ADK: variants seen among roughly 807,000 people sequenced by gnomAD.
ADK encodes the protein adenosine kinase.
Under a neutral mutation model 44.7 loss-of-function variants are expected in ADK, and 24 were observed. The ratio of observed to expected loss-of-function variants is 0.54; its 90% confidence interval spans 0.39 to 0.76. The LOEUF (loss-of-function observed/expected upper bound fraction) is 0.76, where lower values mean the gene tolerates loss of function less well. ADK is among the 30% of genes least tolerant of loss of function. The pLI is 0.00. For synonymous variants in ADK, 128 were observed against 142.6 expected (o/e 0.90, Z 0.73); for missense variants, 321 against 425.1 (o/e 0.76, Z 2.15).
chr10:74,397,600 T>G (rs1231567761), intron 5 of ADK, among the ~76,000 whole-genome samples: 1 of 152,160 alleles, frequency 6.6e-6, no homozygotes, highest in Non-Finnish European at 1.5e-5. Context: ...TGCAGTGGCA[T>G]GATCATAGCT....
chr10:74,363,993 C>T (rs1399630578), intron 4 of ADK, among the ~76,000 whole-genome samples: 2 of 152,152 alleles, frequency 1.3e-5, no homozygotes, highest in South Asian at 2.1e-4. Flanking sequence ...GTCTGGAGCC[C>T]CTTGTCTCAT....
chr10:74,582,482 C>T (rs1285686727), intron 7 of ADK, among the ~76,000 whole-genome samples: 3 of 152,050 alleles, frequency 2.0e-5, no homozygotes, highest in Non-Finnish European at 4.4e-5. Flanking sequence ...TGATGAAGCA[C>T]TTTTTCCTAA....
intron 7 of ADK, among the ~76,000 whole-genome samples, chr10:74,561,738 A>G (rs1850469001): frequency 6.6e-6 from 1 of 152,164 alleles, no homozygotes; most frequent in Non-Finnish European, 1.5e-5. Context: ...GTTACAAGGA[A>G]TTGGATGATG....
chr10:74,326,293 G>A (rs556783179), intron 4 of ADK, among the ~76,000 whole-genome samples: 54 of 152,156 alleles, frequency 3.5e-4, no homozygotes, highest in Middle Eastern at 3.4e-3. Flanking sequence ...AGAAGAATTC[G>A]TATTAGTTTC....
At chr10:74,680,232 G>C (rs1014722287) in intron 10 of ADK, among the ~76,000 whole-genome samples, 1 of 150,174 alleles carries the variant, frequency 6.7e-6, no homozygotes, top group Admixed American at 6.6e-5. Flanking sequence ...GGAGAATGGC[G>C]TGAACCTGGG....
intron 6 of ADK, among the ~76,000 whole-genome samples, chr10:74,469,411 A>C (rs1024324677): frequency 3.9e-5 from 6 of 152,144 alleles, no homozygotes; most frequent in African/African-American, 1.4e-4. Context: ...CCAGAACTGG[A>C]GTGTAGTAGT....
At chr10:74,456,545 T>G (rs1845950860) in intron 6 of ADK, among the ~76,000 whole-genome samples, 1 of 151,432 alleles carries the variant, frequency 6.6e-6, no homozygotes, top group Non-Finnish European at 1.5e-5. Flanking sequence ...CGGGTGCCTG[T>G]AGTCCCAGCT....
intron 4 of ADK, among the ~76,000 whole-genome samples, chr10:74,348,911 A>G (rs1235689155): frequency 1.3e-5 from 2 of 152,086 alleles, no homozygotes; most frequent in African/African-American, 4.8e-5. Context: ...ATATGAGACT[A>G]TGTGAAAAGA....
At chr10:74,675,139 A>G (rs988762334) in intron 10 of ADK, among the ~76,000 whole-genome samples, 1 of 152,192 alleles carries the variant, frequency 6.6e-6, no homozygotes, top group South Asian at 2.1e-4. Flanking sequence ...ATTTTAGTCC[A>G]CTTTGTGGTA....
intron 9 of ADK, among the ~76,000 whole-genome samples, chr10:74,622,102 C>A (rs979794580): frequency 6.6e-5 from 10 of 152,174 alleles, no homozygotes; most frequent in African/African-American, 2.4e-4. Context: ...AGTATTTCCT[C>A]TCCTGAGTTT....
chr10:74,483,003 C>T (rs1247585132), intron 6 of ADK, among the ~76,000 whole-genome samples: 1 of 152,146 alleles, frequency 6.6e-6, no homozygotes, highest in Non-Finnish European at 1.5e-5. Context: ...GACAGTGGCC[C>T]TCTTCTCACC....
chr10:74,634,987 C>T (rs1274453882), intron 9 of ADK, among the ~76,000 whole-genome samples: 2 of 152,068 alleles, frequency 1.3e-5, no homozygotes, highest in Non-Finnish European at 2.9e-5. Flanking sequence ...GCTTCCTTGA[C>T]CTTTAGGACA....
chr10:74,655,611 A>G (rs1429602848), intron 9 of ADK: 3 of 449,152 alleles, frequency 6.7e-6, no homozygotes, highest in African/African-American at 2.0e-5. Context: ...GAGGAGCTAC[A>G]AGATGAGGAG....
chr10:74,179,868 C>G (rs1017110635), intron 1 of ADK, among the ~76,000 whole-genome samples: 4 of 152,170 alleles, frequency 2.6e-5, no homozygotes, highest in African/African-American at 9.7e-5. Flanking sequence ...TTCTTTCTTG[C>G]ATGATGTCTA....
At chr10:74,175,328 T>A (rs2132064001) in intron 1 of ADK, among the ~76,000 whole-genome samples, 1 of 146,890 alleles carries the variant, frequency 6.8e-6, no homozygotes, top group South Asian at 2.1e-4. Context: ...AGGTTGGAGA[T>A]CGCACCACTG....
chr10:74,566,526 A>G (rs972008150), intron 7 of ADK, among the ~76,000 whole-genome samples: 1 of 152,016 alleles, frequency 6.6e-6, no homozygotes, highest in Non-Finnish European at 1.5e-5. Flanking sequence ...TTTTCATTCT[A>G]ACCATAATCA....
chr10:74,373,151 A>T (rs945028612), intron 4 of ADK, among the ~76,000 whole-genome samples: 1 of 151,974 alleles, frequency 6.6e-6, no homozygotes, highest in Admixed American at 6.6e-5. Context: ...CCCCTATCTC[A>T]TATGCAAAAA....
At chr10:74,346,971 A>G (rs1841787490) in intron 4 of ADK, among the ~76,000 whole-genome samples, 1 of 151,722 alleles carries the variant, frequency 6.6e-6, no homozygotes, top group Non-Finnish European at 1.5e-5. Context: ...TTAGCCGGGC[A>G]TGGTGGGCAC....
intron 10 of ADK, among the ~76,000 whole-genome samples, chr10:74,673,475 G>A (rs2134206796): frequency 6.6e-6 from 1 of 152,314 alleles, no homozygotes; most frequent in African/African-American, 2.4e-5. Context: ...ACAGGAGGGT[G>A]AGCACACGTG....
Sources: gnomAD v4.1 joint callset for allele counts (sites outside exome capture counted in the v4.1 genomes callset) on GRCh38, gnomAD v4.1.1 for gene constraint, MANE v1.5 for transcripts, NCBI Gene and HGNC (gene_info 2026-07-23, HGNC 2026-07-21) for gene names.